The following RUFY4 variants were observed in gnomAD, a reference collection of about 807,000 sequenced individuals.
RUFY4 encodes the protein RUN and FYVE domain-containing protein 4.
In RUFY4, 73 loss-of-function variants were observed where a neutral mutation model predicts 69.0. The ratio of observed to expected loss-of-function variants is 1.06; its 90% CI spans 0.88 to 1.29. The LOEUF is 1.29. Among genes scored for constraint, RUFY4 ranks in the 50% most tolerant of loss-of-function variants. The pLI, the probability that RUFY4 is intolerant of heterozygous loss-of-function variation, is 0.00. For synonymous variants in RUFY4, 287 were observed against 271.8 expected (o/e 1.06, Z -0.55); for missense variants, 770 against 705.6 (o/e 1.09, Z -1.03).
intron 9 of RUFY4, among the ~76,000 whole-genome samples, chr2:218,085,800 C>A (rs956044097): frequency 3.3e-5 from 5 of 152,236 alleles, no homozygotes; most frequent in African/African-American, 1.2e-4. Context: ...TTTGTCCTGG[C>A]ATTTGGGTGT....
chr2:218,076,287 G>A, intron 7 of RUFY4, 140 bp from the exon 10 acceptor site: 3 of 1,365,548 alleles, frequency 2.2e-6, no homozygotes, highest in Non-Finnish European at 2.9e-6. Flanking sequence ...ACAGAGCCAG[G>A]CATCACAGCT....
rs747697005 is a variant in RUFY4, at chr2:218,083,215, C to A, written c.1461C>A (p.Asp487Glu). 20 of 1,612,672 alleles carry A rather than the reference C, an allele frequency of 1.2e-5. No homozygotes were observed. The Admixed American group carries it at 3.2e-4, about 26-fold the overall frequency. The change falls in exon 9 of 11, where the codon GAC (aspartate) becomes GAA (glutamate). Residue 487 changes from aspartate to glutamate, a missense_variant. Transcript: ENST00000344321. ...AGGAGGAGCTTGGAGGGCAGCGGGA[C>A]TTGGTCCAGGCCATGAAGAGGCGGG... is the stretch of plus-strand genomic sequence containing the variant.
chr2:218,072,285 C>G (rs1405358898), intron 2 of RUFY4, 89 bp from the exon 5 acceptor site: 11 of 1,451,144 alleles, frequency 7.6e-6, no homozygotes, highest in African/African-American at 2.8e-5. Context: ...GCCCTCTCCT[C>G]CAGTACATGT....
chr2:218,061,134 A>G (rs962255309), intron 3 of RUFY4: 5 of 484,444 alleles, frequency 1.0e-5, no homozygotes, highest in Middle Eastern at 6.4e-4. Context: ...AGGGAAAAGA[A>G]CAGGTCGGCC....
At chr2:218,079,106 T>C (rs1574515008) in intron 8 of RUFY4, among the ~76,000 whole-genome samples, 1 of 152,290 alleles carries the variant, frequency 6.6e-6, no homozygotes, top group African/African-American at 2.4e-5. Context: ...TGACCTCAGG[T>C]GATCCACCCA....
At chr2:218,052,409 T>C (rs538161379) in intron 2 of RUFY4, among the ~76,000 whole-genome samples, 5 of 152,342 alleles carry the variant, frequency 3.3e-5, no homozygotes, top group Non-Finnish European at 7.3e-5. Context: ...GTTTTCTTGT[T>C]TACCTTTTTC....
At position 218,073,223 on chromosome 2, in the gene RUFY4, T is replaced by C. The variant is rs1168306471; in HGVS notation, c.387-20T>C. The C allele has an allele frequency of 6.5e-7, 1 of 1,548,544 alleles. No individual in the cohort carries two copies. The highest frequency in any genetic ancestry group is 1.2e-5 in the South Asian group (1 of 84,042). On this transcript the variant is annotated intron_variant, in intron 4 of 10. Transcript: ENST00000344321. ...AGCACCAGGGTCAAAGGCCAAGGGT[T>C]CTGATCACTGTTAACACAGGGAATG...
chr2:218,040,294 T>C (rs1382337429), intron 2 of RUFY4, among the ~76,000 whole-genome samples: 2 of 152,108 alleles, frequency 1.3e-5, no homozygotes, highest in African/African-American at 4.8e-5. Context: ...GTAGACATGG[T>C]TGGGACTCAG....
At chr2:218,072,707 C>T (rs1468909024) in intron 3 of RUFY4, 72 bp from the exon 6 acceptor site, 1 of 1,326,486 alleles carries the variant, frequency 7.5e-7, no homozygotes, top group Non-Finnish European at 1.0e-6. Context: ...ACTTCCAGTC[C>T]CCTCTCTCTG....
At chr2:218,081,766 C>T (rs1049154994) in intron 8 of RUFY4, among the ~76,000 whole-genome samples, 2 of 152,242 alleles carry the variant, frequency 1.3e-5, no homozygotes, top group African/African-American at 4.8e-5. Flanking sequence ...CGTGCCTGAG[C>T]ACCAGAACGC....
At chr2:218,070,519 G>A in exon 1 of RUFY4, 2 of 1,173,024 alleles carry the variant, frequency 1.7e-6, no homozygotes, top group South Asian at 1.3e-5. Flanking sequence ...CCTGCTTTGT[G>A]TAAGGAGAGA....
intron 9 of RUFY4, among the ~76,000 whole-genome samples, chr2:218,085,423 A>G (rs1689870961): frequency 1.3e-5 from 2 of 152,224 alleles, no homozygotes; most frequent in East Asian, 1.9e-4. Flanking sequence ...GACTGCCCAC[A>G]TCTTATCTAT....
intron 3 of RUFY4, chr2:218,061,085 C>T: frequency 1.7e-6 from 1 of 587,678 alleles, no homozygotes. Context: ...GCCAAAAATC[C>T]AGCCATTCAT....
chr2:218,064,721 G>A (rs1214149376), upstream of RUFY4, among the ~76,000 whole-genome samples: 1 of 151,922 alleles, frequency 6.6e-6, no homozygotes, highest in Non-Finnish European at 1.5e-5. Flanking sequence ...CCATGCTGAA[G>A]GGGCAATTGG....
rs369090655 is a variant in RUFY4, at chr2:218,083,221, C to A, written c.1467C>A (p.Val489=). ...AGCTTGGAGGGCAGCGGGACTTGGT[C>A]CAGGCCATGAAGAGGCGGGTGTTGG... The change falls in exon 9 of 11, where the codon GTC becomes GTA. Residue 489 remains valine (V), a synonymous_variant. Transcript: ENST00000344321. The A allele has an allele frequency of 5.3e-5, 86 of 1,612,254 alleles. No individual in the cohort carries two copies. In the African/African-American group the frequency reaches 1.1e-3, roughly 20 times the overall value.
At chr2:218,064,092 CCAGATTCGCTGTACTTACACTTT>C (rs1409699441) in intron 3 of RUFY4, among the ~76,000 whole-genome samples, 2 of 152,216 alleles carry the variant, frequency 1.3e-5, no homozygotes, top group African/African-American at 4.8e-5. Context: ...CACCTGGCCA[CCAGATTCGCTGTACTTACACTTT>C]CTGGACACTG....
At chr2:218,043,368 A>G (rs917157642) in intron 2 of RUFY4, among the ~76,000 whole-genome samples, 4 of 152,128 alleles carry the variant, frequency 2.6e-5, no homozygotes, top group African/African-American at 9.7e-5. Flanking sequence ...CTCAACAGAA[A>G]GGAGGCCCTG....
upstream of RUFY4, among the ~76,000 whole-genome samples, chr2:218,068,089 G>A (rs1353241995): frequency 7.3e-6 from 1 of 137,624 alleles, no homozygotes; most frequent in African/African-American, 2.6e-5. Flanking sequence ...ACCTGGAGGA[G>A]GGCAGGGGGC....
Position 218,072,676 on chromosome 2 carries a change from G to T in RUFY4, c.280-103G>T, listed in dbSNP as rs1396605667. The T allele has an allele frequency of 6.9e-6, 9 of 1,298,068 alleles. No homozygotes were observed. The East Asian group carries it at 1.8e-4, about 26-fold the overall frequency. 80.4% of individuals were successfully genotyped at this position (1,298,068 alleles called of 1,614,324 possible). On this transcript the variant is annotated intron_variant, in intron 3 of 10. Coordinates refer to ENST00000344321, the Ensembl canonical transcript of RUFY4. ...TCCTCCCATGGCCTCAGGTCCCCCT[G>T]CACCCTTCCCATTGCCAAGCACTTC...
Sources: allele counts gnomAD v4.1 joint callset (sites outside exome capture counted in the v4.1 genomes callset), GRCh38; gene constraint gnomAD v4.1.1; transcripts MANE v1.5; gene names NCBI Gene and HGNC (gene_info 2026-07-23, HGNC 2026-07-21).